Variants in GARNL3 observed in about 807,000 individuals in gnomAD.
GARNL3 encodes GTPase-activating Rap/Ran-GAP domain-like protein 3.
Under a neutral mutation model 125.0 loss-of-function variants are expected in GARNL3, and 63 were observed. The ratio of observed to expected loss-of-function variants is 0.50; its 90% confidence interval spans 0.41 to 0.62. GARNL3 has a LOEUF of 0.62. Ranked by LOEUF, GARNL3 falls within the 20% of genes least tolerant of loss-of-function variation. The pLI is 0.00. For synonymous variants in GARNL3, 439 were observed against 457.5 expected (o/e 0.96, Z 0.52); for missense variants, 994 against 1,244.0 (o/e 0.80, Z 3.02).
At chr9:127,267,494 A>G (rs1369678039) in intron 1 of GARNL3, among the ~76,000 whole-genome samples, 1 of 152,176 alleles carries the variant, frequency 6.6e-6, no homozygotes, top group African/African-American at 2.4e-5. Flanking sequence ...TGGGTACATG[A>G]TAGGCCAACA....
chr9:127,354,517 T>C, intron 19 of GARNL3, 107 bp downstream of exon 19: 1 of 660,488 alleles, frequency 1.5e-6, no homozygotes, highest in Non-Finnish European at 2.6e-6. Context: ...CTTATTAGTT[T>C]GTTTTTTGTT....
rs1832459173 is a variant in GARNL3, at chr9:127,384,908, C to T, written c.2270-119C>T. The T allele has an allele frequency of 1.7e-6, 1 of 572,078 alleles. No individual in the cohort carries two copies. The highest frequency in any genetic ancestry group is 3.1e-6 in the Non-Finnish European group (1 of 318,344). The allele number at this position is 572,078 out of a possible 1,614,324, so 35.4% of individuals were successfully genotyped here. On this transcript the variant is annotated intron_variant, in intron 23 of 27. Coordinates refer to ENST00000373387, the MANE Select transcript of GARNL3 (RefSeq NM_032293.5). This position sits in a 1 kb window ranked among gnomAD's most constrained non-coding sequence, Gnocchi z 4.0. ...TGCACATGTGAAGGAAGGAGAGAAG[C>T]AGCCAGAGGAATGAGAGATGGAAGT...
At chr9:127,381,977 A>T (rs1159678415) in intron 22 of GARNL3, among the ~76,000 whole-genome samples, 1 of 152,106 alleles carries the variant, frequency 6.6e-6, no homozygotes, top group African/African-American at 2.4e-5. Flanking sequence ...TAACATTCAG[A>T]TGTTTAGTAA....
chr9:127,291,255 C>G lies in GARNL3; in HGVS notation c.219+13C>G, dbSNP rs2064406159. ...CTCTTCAGATGAGGTAAGGAAGCCT[C>G]CCCACTTCCTGTAATGCCACCAAGC... On this transcript the variant is annotated intron_variant, in intron 2 of 27. Coordinates refer to ENST00000373387, the MANE Select transcript of GARNL3 (RefSeq NM_032293.5). 1 of 1,609,760 alleles carries G rather than the reference C, an allele frequency of 6.2e-7. No individual in the cohort carries two copies. Among genetic ancestry groups the G allele is most frequent in the African/African-American group, 1.3e-5 (1 of 74,826 alleles).
intron 1 of GARNL3, among the ~76,000 whole-genome samples, chr9:127,229,656 C>G (rs1338291937): frequency 6.6e-6 from 1 of 152,144 alleles, no homozygotes; most frequent in African/African-American, 2.4e-5. Context: ...CCACCATGCC[C>G]AGCTAACTTT....
chr9:127,233,282 G>C (rs1293644556), intron 1 of GARNL3, among the ~76,000 whole-genome samples: 1 of 152,108 alleles, frequency 6.6e-6, no homozygotes, highest in Non-Finnish European at 1.5e-5. Context: ...GGCTCTCTTG[G>C]GTTCCATGGT....
intron 1 of GARNL3, among the ~76,000 whole-genome samples, chr9:127,288,915 G>A (rs2064329475): frequency 6.6e-6 from 1 of 152,128 alleles, no homozygotes; most frequent in Non-Finnish European, 1.5e-5. Flanking sequence ...TAAGGGGAGG[G>A]TGTGTCCCAC....
intron 1 of GARNL3, among the ~76,000 whole-genome samples, chr9:127,282,175 T>C (rs1176765816): frequency 2.0e-5 from 3 of 152,188 alleles, no homozygotes; most frequent in Admixed American, 2.0e-4. Context: ...TGGATTTATC[T>C]TTGTCCAGCA....
chr9:127,354,209 T>C, intron 18 of GARNL3, 85 bp from the exon 19 acceptor site: 3 of 990,300 alleles, frequency 3.0e-6, no homozygotes, highest in Non-Finnish European at 4.7e-6. Context: ...AATCCTAGTT[T>C]TTCTACACAG....
chr9:127,317,624 G>T (rs1460354764), intron 4 of GARNL3, among the ~76,000 whole-genome samples: 1 of 152,070 alleles, frequency 6.6e-6, no homozygotes, highest in Non-Finnish European at 1.5e-5. Flanking sequence ...GGCTGAGGCA[G>T]GAGAATCGCT....
At chr9:127,319,752 T>G (rs1376980699) in intron 5 of GARNL3, among the ~76,000 whole-genome samples, 1 of 152,210 alleles carries the variant, frequency 6.6e-6, no homozygotes, top group Non-Finnish European at 1.5e-5. Context: ...GTTTAAGATT[T>G]CTGTGAATTC....
At chr9:127,386,461 G>A (rs10987629) in intron 24 of GARNL3, among the ~76,000 whole-genome samples, 45,767 of 152,068 alleles carry the variant, frequency 0.3, 7,530 homozygotes, top group Middle Eastern at 0.43. Context: ...AGCTGCCAGC[G>A]TGACGCCACT....
chr9:127,327,491 T>G (rs1023791717), intron 7 of GARNL3, among the ~76,000 whole-genome samples: 5 of 152,206 alleles, frequency 3.3e-5, no homozygotes, highest in Non-Finnish European at 5.9e-5. Context: ...CCCCAAATTG[T>G]TGGCGGGAGT....
chr9:127,263,853 T>C, upstream of GARNL3: 1 of 1,331,304 alleles, frequency 7.5e-7, no homozygotes, highest in East Asian at 2.8e-5. Flanking sequence ...ATTTCTCTCA[T>C]GCTGTCTTTC....
At chr9:127,238,794 G>C (rs953784708) in intron 1 of GARNL3, among the ~76,000 whole-genome samples, 2 of 152,144 alleles carry the variant, frequency 1.3e-5, no homozygotes, top group Non-Finnish European at 2.9e-5. Context: ...CTCCTCATCT[G>C]TCCGGTGCTG....
chr9:127,365,508 A>G (rs1831238608), intron 22 of GARNL3, 142 bp downstream of exon 22: 4 of 730,622 alleles, frequency 5.5e-6, no homozygotes, highest in African/African-American at 5.3e-5. Flanking sequence ...GGAACTGAAA[A>G]ATACCTTCCT....
intron 1 of GARNL3, chr9:127,224,676 GAAGCAGAGGT>G (rs2062865020): frequency 6.5e-6 from 1 of 152,990 alleles, no homozygotes; most frequent in Admixed American, 6.5e-5. Context: ...GACGCTCGCG[GAAGCAGAGGT>G]TTGGGGTGAG....
At position 127,300,929 on chromosome 9, in the gene GARNL3, C is replaced by A; in HGVS notation, c.219+9687C>A. 1.9e-5 allele frequency: 4 copies of A among 214,396 alleles called. No individual in the cohort carries two copies. In the South Asian group the frequency reaches 2.7e-4, roughly 14 times the overall value. The allele number at this position is 214,396 out of a possible 1,614,324, so 13.3% of individuals were successfully genotyped here. On this transcript the variant is annotated intron_variant, in intron 2 of 27. Transcript: ENST00000373387. ...AATCAGCATCTAACTCGGCCCTGTTCCTTAGGTCTCCTTTGCACTTGGCCC... is the reference window on the plus strand; with the variant it reads ...AATCAGCATCTAACTCGGCCCTGTTACTTAGGTCTCCTTTGCACTTGGCCC...
At chr9:127,308,569 CA>C (rs1376505516) in intron 2 of GARNL3, among the ~76,000 whole-genome samples, 1 of 151,848 alleles carries the variant, frequency 6.6e-6, no homozygotes, top group African/African-American at 2.4e-5. Context: ...TAGTGACAGT[CA>C]AAAAATGTCA....
Sources: gnomAD v4.1 joint callset for allele counts (sites outside exome capture counted in the v4.1 genomes callset) on GRCh38, gnomAD v4.1.1 for gene constraint, Gnocchi (gnomAD v3.1) non-coding constraint, MANE v1.5 for transcripts, NCBI Gene and HGNC (gene_info 2026-07-23, HGNC 2026-07-21) for gene names.